LIMCH1: variants seen among roughly 807,000 people sequenced by gnomAD.
LIMCH1 encodes LIM and calponin homology domains 1.
A neutral mutation model predicts 176.5 loss-of-function variants in LIMCH1; 113 were observed. That is an observed-to-expected ratio of 0.64 (90% CI 0.55 to 0.75). The LOEUF (loss-of-function observed/expected upper bound fraction) is 0.75, where lower values mean the gene tolerates loss of function less well. Among genes scored for constraint, LIMCH1 ranks in the 30% least tolerant of loss-of-function variants. The pLI is 0.00. For missense variants in LIMCH1, 1,674 were observed against 1,814.9 expected (o/e 0.92, Z 1.41); for synonymous variants, 619 against 645.9 (o/e 0.96, Z 0.63).
chr4:41,684,632 C>A, intron 27 of LIMCH1, 114 bp downstream of exon 27: 1 of 1,188,226 alleles, frequency 8.4e-7, no homozygotes. Context: ...GGGCCCTGGA[C>A]TTCTAGCTTA....
At chr4:41,444,174 G>A (rs1212725175) in intron 1 of LIMCH1, among the ~76,000 whole-genome samples, 1 of 152,046 alleles carries the variant, frequency 6.6e-6, no homozygotes, top group Non-Finnish European at 1.5e-5. Context: ...TTTGGTTTGA[G>A]TTTATGTTCT....
chr4:41,613,777 A>G, intron 5 of LIMCH1, 116 bp downstream of exon 5: 1 of 818,000 alleles, frequency 1.2e-6, no homozygotes, highest in Non-Finnish European at 1.9e-6. Flanking sequence ...ACCTTGCCGG[A>G]ACTTAGTAAT....
chr4:41,617,529 A>G (rs919690426), intron 5 of LIMCH1, among the ~76,000 whole-genome samples: 1 of 152,186 alleles, frequency 6.6e-6, no homozygotes, highest in Non-Finnish European at 1.5e-5. Context: ...ACTGAGACAG[A>G]TATACTTGTT....
intron 1 of LIMCH1, among the ~76,000 whole-genome samples, chr4:41,438,995 G>C (rs1464236465): frequency 6.6e-6 from 1 of 152,182 alleles, no homozygotes; most frequent in Non-Finnish European, 1.5e-5. Flanking sequence ...TTAAGGGTGA[G>C]GGGAGCATCT....
intron 24 of LIMCH1, 33 bp from the exon 25 acceptor site, chr4:41,680,922 C>A (rs762229027): frequency 1.7e-6 from 2 of 1,160,448 alleles, no homozygotes; most frequent in South Asian, 1.3e-5. Flanking sequence ...TTTTATTTTC[C>A]CCCCTTTCAT....
chr4:41,671,884 CAAAAAAAAA>C (rs34994833), intron 22 of LIMCH1, among the ~76,000 whole-genome samples: 2 of 52,378 alleles, frequency 3.8e-5, no homozygotes, highest in Admixed American at 2.3e-4. Context: ...GACTTCGTCT[CAAAAAAAAA>C]AAAAAAAAAA....
intron 2 of LIMCH1, among the ~76,000 whole-genome samples, chr4:41,521,391 A>G (rs771935799): frequency 2.9e-4 from 44 of 152,202 alleles, no homozygotes; most frequent in Non-Finnish European, 5.7e-4. Context: ...TGCACCTCAG[A>G]AGTTATATAA....
intron 1 of LIMCH1, among the ~76,000 whole-genome samples, chr4:41,539,391 G>GC (rs1301413684): frequency 6.6e-6 from 1 of 152,172 alleles, no homozygotes. Flanking sequence ...CCGAGAGGCT[G>GC]CAAGTGTCAG....
At chr4:41,591,363 T>C (rs1255890343) in intron 1 of LIMCH1, among the ~76,000 whole-genome samples, 1 of 152,124 alleles carries the variant, frequency 6.6e-6, no homozygotes, top group Non-Finnish European at 1.5e-5. Flanking sequence ...CACCCCAGCC[T>C]CCTGAGTAGC....
At chr4:41,573,991 C>A (rs10019710) in intron 1 of LIMCH1, among the ~76,000 whole-genome samples, 38,244 of 151,914 alleles carry the variant, frequency 0.25, 6,050 homozygotes, top group African/African-American at 0.45. Context: ...ACAAATCTCT[C>A]TTATATGCCA....
intron 1 of LIMCH1, among the ~76,000 whole-genome samples, chr4:41,546,197 G>A (rs939868142): frequency 1.3e-5 from 2 of 152,034 alleles, no homozygotes; most frequent in African/African-American, 4.8e-5. Context: ...GGAGTGCAGT[G>A]GTGTGATCTC....
intron 1 of LIMCH1, among the ~76,000 whole-genome samples, chr4:41,432,152 C>G (rs1404364969): frequency 6.6e-6 from 1 of 152,144 alleles, no homozygotes; most frequent in Non-Finnish European, 1.5e-5. Flanking sequence ...CCACTCAGCT[C>G]TATAGTACAG....
chr4:41,581,047 G>A (rs1242230614), intron 1 of LIMCH1, among the ~76,000 whole-genome samples: 2 of 152,022 alleles, frequency 1.3e-5, no homozygotes, highest in South Asian at 2.1e-4. Flanking sequence ...AGAGCCAGAC[G>A]GTTACAGAGA....
chr4:41,608,865 T>C (rs2091067853), intron 4 of LIMCH1, among the ~76,000 whole-genome samples: 1 of 152,144 alleles, frequency 6.6e-6, no homozygotes, highest in African/African-American at 2.4e-5. Flanking sequence ...TTCTCTCATC[T>C]CTTATCTCTC....
chr4:41,617,105 A>T lies in LIMCH1; in HGVS notation c.206-2083A>T, dbSNP rs116776865. 2.1e-3 allele frequency among the ~76,000 whole-genome samples: 317 copies of T among 152,188 alleles called. 1 individual carries two copies. Among genetic ancestry groups the T allele is most frequent in the African/African-American group, 6.8e-3 (283 of 41,530 alleles). On this transcript the variant is annotated intron_variant, in intron 5 of 31. Coordinates refer to ENST00000503057, the MANE Select transcript of LIMCH1 (RefSeq NM_001330672.2). ...TCTATATCTATATATGTGTGTGTAT[A>T]GATACTATACACAAATAGGATTCAT...
chr4:41,488,523 A>T (rs1583001404), intron 1 of LIMCH1, among the ~76,000 whole-genome samples: 1 of 152,242 alleles, frequency 6.6e-6, no homozygotes, highest in African/African-American at 2.4e-5. Flanking sequence ...CTAACAAAAT[A>T]ATTGTTTGTA....
intron 2 of LIMCH1, among the ~76,000 whole-genome samples, chr4:41,502,757 A>C (rs2154179926): frequency 6.6e-6 from 1 of 152,264 alleles, no homozygotes; most frequent in East Asian, 1.9e-4. Flanking sequence ...TCTACATTTA[A>C]AGATGAGGTT....
intron 3 of LIMCH1, among the ~76,000 whole-genome samples, chr4:41,525,513 C>T (rs975751257): frequency 5.3e-5 from 8 of 152,124 alleles, no homozygotes; most frequent in Admixed American, 6.5e-5. Context: ...TACATGGTTT[C>T]AGCAAGTTGA....
intron 1 of LIMCH1, among the ~76,000 whole-genome samples, chr4:41,370,585 T>G (rs1377347): frequency 0.42 from 63,520 of 151,914 alleles, 14,831 homozygotes; most frequent in African/African-American, 0.64. Flanking sequence ...TTGCCACCTT[T>G]TTCCCTAAGG....
Sources: allele counts gnomAD v4.1 joint callset (sites outside exome capture counted in the v4.1 genomes callset), GRCh38; gene constraint gnomAD v4.1.1; transcripts MANE v1.5; gene names NCBI Gene and HGNC (gene_info 2026-07-23, HGNC 2026-07-21).